The following FANCA variants were observed in gnomAD, a reference collection of about 807,000 sequenced individuals.
FANCA encodes FA complementation group A.
A neutral mutation model predicts 194.3 loss-of-function variants in FANCA; 236 were observed. The observed-to-expected ratio is 1.21, with a 90% CI of 1.09 to 1.35. FANCA has a LOEUF of 1.35. FANCA is among the 40% of genes most tolerant of loss of function. The pLI, the probability that FANCA is intolerant of heterozygous loss-of-function variation, is 0.00. For synonymous variants in FANCA, 1,014 were observed against 715.8 expected, an observed-to-expected ratio of 1.42 and a Z score of -6.65; for missense variants, 2,628 against 1,813.9, an observed-to-expected ratio of 1.45 and a Z score of -8.15.
intron 20 of FANCA, among the ~76,000 whole-genome samples, chr16:89,776,388 C>T (rs1008548426): frequency 2.0e-5 from 3 of 151,332 alleles, no homozygotes; most frequent in African/African-American, 4.8e-5. Context: ...AGGCTGGCCT[C>T]GAACTCGTGA....
chr16:89,743,427 G>A (rs2062180045), intron 36 of FANCA, among the ~76,000 whole-genome samples: 1 of 152,220 alleles, frequency 6.6e-6, no homozygotes, highest in South Asian at 2.1e-4. Flanking sequence ...TAAATAAGCT[G>A]GGCATGACGG....
intron 15 of FANCA, among the ~76,000 whole-genome samples, chr16:89,783,802 T>C (rs535010121): frequency 2.6e-4 from 39 of 152,042 alleles, no homozygotes; most frequent in Admixed American, 5.2e-4. Context: ...TTGCTCTTAT[T>C]GCCCAGGCTG....
chr16:89,792,334 T>C, intron 12 of FANCA, 137 bp downstream of exon 12: 1 of 1,004,284 alleles, frequency 1.0e-6, no homozygotes, highest in Non-Finnish European at 1.6e-6. Flanking sequence ...GTGGCCTTGA[T>C]GAGGACAGCC....
chr16:89,814,541 T>C lies in FANCA; in HGVS notation c.262A>G (p.Asn88Asp). 2.5e-6 allele frequency: 4 copies of C among 1,613,096 alleles called. No homozygotes were observed. The highest frequency in any genetic ancestry group is 3.4e-6 in the Non-Finnish European group (4 of 1,179,096). ...TTACCTATAAATGAACTAGAATGAT[T>C]AGCATAGGCCTCAGAACTGTCACAG... ...IDCDSSEAYA[N>D]HSSSFIGSAL... The change falls in exon 3 of 43, where the codon AAT (asparagine) becomes GAT (aspartate). Residue 88 changes from asparagine to aspartate, a missense_variant. Coordinates refer to ENST00000389301, the MANE Select transcript of FANCA (RefSeq NM_000135.4).
intron 3 of FANCA, among the ~76,000 whole-genome samples, chr16:89,813,789 T>C (rs1394685878): frequency 6.7e-6 from 1 of 148,828 alleles, no homozygotes; most frequent in African/African-American, 2.5e-5. Context: ...AAAGTTTTTT[T>C]ATCTACAAGT....
chr16:89,742,237 TA>T (rs1216670349), intron 37 of FANCA, among the ~76,000 whole-genome samples: 2 of 151,698 alleles, frequency 1.3e-5, no homozygotes, highest in African/African-American at 2.4e-5. Flanking sequence ...TCGGCCTCCC[TA>T]AGTGTTGGGA....
At chr16:89,777,645 T>C (rs977228747) in intron 20 of FANCA, among the ~76,000 whole-genome samples, 1 of 152,082 alleles carries the variant, frequency 6.6e-6, no homozygotes, top group Non-Finnish European at 1.5e-5. Flanking sequence ...TGCTGGAATA[T>C]AGGACTTATA....
chr16:89,772,352 C>A (rs1178950562), intron 22 of FANCA, among the ~76,000 whole-genome samples: 1 of 152,236 alleles, frequency 6.6e-6, no homozygotes, highest in African/African-American at 2.4e-5. Context: ...CACTCAGGAA[C>A]TGGCGCACTT....
intron 18 of FANCA, 134 bp downstream of exon 18, chr16:89,779,733 CCA>C: frequency 1.3e-6 from 1 of 772,000 alleles, no homozygotes; most frequent in East Asian, 2.7e-5. Context: ...CCAAAGAGCC[CCA>C]GACGCTGGCA....
chr16:89,814,974 A>G (rs1378772252), intron 2 of FANCA, among the ~76,000 whole-genome samples: 1 of 152,154 alleles, frequency 6.6e-6, no homozygotes, highest in Non-Finnish European at 1.5e-5. Context: ...AATAAAAATA[A>G]AAAAAATTCA....
chr16:89,789,144 C>A (rs1299650650), intron 14 of FANCA, among the ~76,000 whole-genome samples: 1 of 151,934 alleles, frequency 6.6e-6, no homozygotes, highest in Non-Finnish European at 1.5e-5. Flanking sequence ...TAGTGGAAGC[C>A]CCAGGCTAAC....
chr16:89,747,682 CAG>C (rs1361552708), intron 33 of FANCA, among the ~76,000 whole-genome samples: 9 of 151,932 alleles, frequency 5.9e-5, no homozygotes, highest in African/African-American at 2.2e-4. Flanking sequence ...GCCTGGGCGA[CAG>C]AGCAAGACTC....
chr16:89,737,781 G>T lies in FANCA; in HGVS notation c.*820C>A. 6.2e-7 allele frequency: 1 copy of T among 1,614,006 alleles called. No individual in the cohort carries two copies. Among genetic ancestry groups the T allele is most frequent in the South Asian group, 1.1e-5 (1 of 90,952 alleles). Reference sequence around the variant, plus strand: ...GGGAGGTTGGAGCATCAGGGGCCTGGACTCACTGGACTCTCCCCTCTCAGA... The same window carrying T: ...GGGAGGTTGGAGCATCAGGGGCCTGTACTCACTGGACTCTCCCCTCTCAGA... On this transcript the variant is annotated 3_prime_UTR_variant, in exon 43 of 43. Transcript: ENST00000389301.
At chr16:89,810,216 G>A (rs1452366184) in intron 5 of FANCA, among the ~76,000 whole-genome samples, 22 of 149,012 alleles carry the variant, frequency 1.5e-4, no homozygotes, top group African/African-American at 5.2e-4. Flanking sequence ...CCAGCTACTC[G>A]GGAGGCTGAG....
chr16:89,777,298 T>C (rs1212865552), intron 20 of FANCA, among the ~76,000 whole-genome samples: 1 of 152,240 alleles, frequency 6.6e-6, no homozygotes, highest in East Asian at 1.9e-4. Context: ...GGAAGGACTG[T>C]TGAAGCCCAG....
At chr16:89,779,108 A>G in intron 18 of FANCA, 105 bp from the exon 19 acceptor site, 1 of 1,035,460 alleles carries the variant, frequency 9.7e-7, no homozygotes, top group Non-Finnish European at 1.5e-6. Context: ...GGCTCACTCC[A>G]AAGCCACGAT....
In FANCA at chr16:89,773,377, G is replaced by A; in HGVS notation, c.1908C>T (p.Ala636=). 1.3e-6 allele frequency: 2 copies of A among 1,550,280 alleles called. No homozygotes were observed. The highest frequency in any genetic ancestry group is 1.2e-5 in the South Asian group (1 of 84,046). ...AGTTGGGTTCTGCCCTCACTCCCAG[G>A]GCTGCATCTGTGAGAAGAAGGAAGA... ...SAAEEKPEDA[A]LGVRAEPNSA... The change falls in exon 22 of 43, where the codon GCC becomes GCT. Residue 636 remains alanine, a synonymous_variant. Transcript: ENST00000389301.
intron 20 of FANCA, among the ~76,000 whole-genome samples, chr16:89,776,483 T>C (rs564891802): frequency 5.3e-5 from 8 of 152,104 alleles, no homozygotes; most frequent in Non-Finnish European, 7.4e-5. Context: ...GAATCTTTGT[T>C]AATTTTAATG....
chr16:89,770,531 C>A (rs117142978), intron 24 of FANCA, 33 bp downstream of exon 24: 118 of 1,568,374 alleles, frequency 7.5e-5, no homozygotes, highest in Non-Finnish European at 1.0e-4. Context: ...CCCAGAGGAG[C>A]CCCACCACTC....
Sources: allele counts gnomAD v4.1 joint callset (sites outside exome capture counted in the v4.1 genomes callset), GRCh38; gene constraint gnomAD v4.1.1; transcripts MANE v1.5; gene names NCBI Gene and HGNC (gene_info 2026-07-23, HGNC 2026-07-21).